HMGB1: variants seen among roughly 807,000 people sequenced by gnomAD.
HMGB1 encodes the protein high mobility group box 1.
For synonymous variants in HMGB1, 81 were observed against 84.0 expected (o/e 0.96, Z 0.19); for missense variants, 79 against 253.5 (o/e 0.31, Z 4.67).
At chr13:30,572,269 G>A (rs889730603) in intron 1 of HMGB1, among the ~76,000 whole-genome samples, 4 of 152,130 alleles carry the variant, frequency 2.6e-5, no homozygotes, top group Admixed American at 2.6e-4. Flanking sequence ...AGAATGCAAC[G>A]ACATCTCAGA....
chr13:30,567,606 T>TC (rs746696397), intron 1 of HMGB1, among the ~76,000 whole-genome samples: 40 of 152,208 alleles, frequency 2.6e-4, no homozygotes, highest in Non-Finnish European at 4.4e-4. Context: ...CGCCTCGGCC[T>TC]CCCAAAGTGC....
chr13:30,602,154 C>G (rs1304547235), intron 1 of HMGB1, among the ~76,000 whole-genome samples: 2 of 152,062 alleles, frequency 1.3e-5, no homozygotes, highest in Admixed American at 1.3e-4. Context: ...ACCACAGCCT[C>G]AGACATGTCA....
At chr13:30,478,095 T>C (rs1337662156) in intron 1 of HMGB1, among the ~76,000 whole-genome samples, 2 of 152,220 alleles carry the variant, frequency 1.3e-5, no homozygotes, top group Non-Finnish European at 2.9e-5. Flanking sequence ...AGCAAATTGA[T>C]AGTCATGTTC....
rs535707690 is a variant in HMGB1 at position 30,604,852 on chromosome 13, G to T, written c.-15+11819C>A. Reference sequence around the variant, plus strand: ...TTTTTGTATTTTTAGTACAGACAGGGTTTCACCATGTTAGCCAGGATGGTC... The same window carrying T: ...TTTTTGTATTTTTAGTACAGACAGGTTTTCACCATGTTAGCCAGGATGGTC... On this transcript the variant is annotated intron_variant, in intron 1 of 4. Transcript: ENST00000405805. Among the ~76,000 whole-genome samples the T allele has an allele frequency of 9.2e-4, 140 of 152,198 alleles. 1 individual carries two copies. Among genetic ancestry groups the T allele is most frequent in the Middle Eastern group, 3.4e-3 (1 of 294 alleles).
chr13:30,463,164 C>T, intron 3 of HMGB1, 43 bp downstream of exon 3: 1 of 1,580,416 alleles, frequency 6.3e-7, no homozygotes, highest in Non-Finnish European at 8.6e-7. Flanking sequence ...TCAGATTCTA[C>T]TGTAAAACGT....
intron 1 of HMGB1, among the ~76,000 whole-genome samples, chr13:30,537,697 A>ATATATATATAT (rs71093077): frequency 4.1e-4 from 51 of 125,046 alleles, no homozygotes; most frequent in Non-Finnish European, 5.3e-4. Flanking sequence ...ATATATATAT[A>ATATATATATAT]AAATTGATGT....
At chr13:30,518,339 G>A (rs1888147542) in intron 1 of HMGB1, among the ~76,000 whole-genome samples, 1 of 152,124 alleles carries the variant, frequency 6.6e-6, no homozygotes, top group African/African-American at 2.4e-5. Flanking sequence ...TCTGAAACAA[G>A]CAAAACAAAA....
chr13:30,616,360 C>A (rs1950562383), intron 1 of HMGB1, among the ~76,000 whole-genome samples: 1 of 152,168 alleles, frequency 6.6e-6, no homozygotes, highest in Non-Finnish European at 1.5e-5. Flanking sequence ...AAATACAATT[C>A]AGTTTGGTGA....
At chr13:30,603,813 T>C (rs1432149982) in intron 1 of HMGB1, among the ~76,000 whole-genome samples, 1 of 152,218 alleles carries the variant, frequency 6.6e-6, no homozygotes. Flanking sequence ...CCTCATACGA[T>C]GAAAATACTA....
At chr13:30,612,298 G>C (rs886845566) in intron 1 of HMGB1, among the ~76,000 whole-genome samples, 1 of 151,624 alleles carries the variant, frequency 6.6e-6, no homozygotes, top group Non-Finnish European at 1.5e-5. Flanking sequence ...TAGAGTAGGG[G>C]TAGAGGACAG....
At chr13:30,616,417 A>C (rs1284493256) in intron 1 of HMGB1, among the ~76,000 whole-genome samples, 2 of 152,226 alleles carry the variant, frequency 1.3e-5, no homozygotes, top group Non-Finnish European at 2.9e-5. Context: ...AACTGAACCA[A>C]TTGTTTTGTT....
intron 1 of HMGB1, chr13:30,464,221 C>T: frequency 1.0e-6 from 1 of 985,348 alleles, no homozygotes; most frequent in Non-Finnish European, 1.2e-6. Context: ...AAAGAGGGAG[C>T]AGCAGCCAGC....
intron 1 of HMGB1, among the ~76,000 whole-genome samples, chr13:30,577,188 A>G (rs1593322396): frequency 6.6e-6 from 1 of 152,114 alleles, no homozygotes; most frequent in East Asian, 1.9e-4. Flanking sequence ...ACAAGAAAAT[A>G]AAATAGTCAG....
chr13:30,575,057 G>A (rs189369785), intron 1 of HMGB1, among the ~76,000 whole-genome samples: 174 of 152,204 alleles, frequency 1.1e-3, no homozygotes, highest in Non-Finnish European at 2.0e-3. Flanking sequence ...TATAAACTCC[G>A]AGTAAAAGTA....
intron 1 of HMGB1, among the ~76,000 whole-genome samples, chr13:30,589,519 A>G (rs1871289229): frequency 1.3e-5 from 2 of 152,210 alleles, no homozygotes; most frequent in South Asian, 4.1e-4. Context: ...AAGAGAAGAC[A>G]TATATGGAAA....
chr13:30,560,724 C>T (rs1233763242), intron 1 of HMGB1, among the ~76,000 whole-genome samples: 1 of 152,088 alleles, frequency 6.6e-6, no homozygotes, highest in Non-Finnish European at 1.5e-5. Context: ...AGGATAGGTT[C>T]CCATGGAGAT....
rs1423849134 is a variant in HMGB1 at position 30,459,708 on chromosome 13, TAA to T, written c.*1647_*1648del. 1 of 152,200 alleles carries T rather than the reference TAA, an allele frequency of 6.6e-6. No individual in the cohort carries two copies. The highest frequency in any genetic ancestry group is 1.9e-4 in the East Asian group (1 of 5,202). 9.4% of individuals were successfully genotyped at this position (152,200 alleles called of 1,614,324 possible). On this transcript the variant is annotated 3_prime_UTR_variant, in exon 5 of 5. Transcript: ENST00000341423. ...CAGCCCATTAACCTATTTATAAGCA[TAA>T]AGTGAGTATTTTTAAAGGGAAAAAC...
chr13:30,530,063 A>T (rs926774621), intron 1 of HMGB1, among the ~76,000 whole-genome samples: 2 of 152,226 alleles, frequency 1.3e-5, no homozygotes, highest in Non-Finnish European at 2.9e-5. Flanking sequence ...CCAAAGATTT[A>T]AAAATAATAA....
chr13:30,521,750 A>G (rs909642025), intron 1 of HMGB1, among the ~76,000 whole-genome samples: 3 of 152,200 alleles, frequency 2.0e-5, no homozygotes, highest in Non-Finnish European at 4.4e-5. Context: ...GAACTGCTGG[A>G]TCACAGGATA....
Sources: allele counts gnomAD v4.1 joint callset (sites outside exome capture counted in the v4.1 genomes callset), GRCh38; gene constraint gnomAD v4.1.1; transcripts MANE v1.5; gene names NCBI Gene and HGNC (gene_info 2026-07-23, HGNC 2026-07-21).